The following PAK3 variants were observed in gnomAD, a reference collection of about 807,000 sequenced individuals.
PAK3 encodes p21 (RAC1) activated kinase 3.
In PAK3, 4 loss-of-function variants were observed where a neutral mutation model predicts 41.0. The observed-to-expected ratio is 0.10, with a 90% CI of 0.05 to 0.22. PAK3 has a LOEUF of 0.22. PAK3 is among the 10% of genes least tolerant of loss of function. The pLI, the probability that PAK3 is intolerant of heterozygous loss-of-function variation, is 1.00. For missense variants in PAK3, 205 were observed against 409.9 expected, an observed-to-expected ratio of 0.50 and a Z score of 4.32; for synonymous variants, 146 against 139.6, an observed-to-expected ratio of 1.05 and a Z score of -0.32.
chrX:111,008,729 A>T (rs916768490), intron 1 of PAK3, among the ~76,000 whole-genome samples: 2 of 112,191 alleles, frequency 1.8e-5, no homozygotes, highest in African/African-American at 6.5e-5. Context: ...ACCTCTGGGG[A>T]TTGCTGCAAG....
chrX:110,973,194 A>C (rs1416028027), intron 1 of PAK3, among the ~76,000 whole-genome samples: 1 of 111,504 alleles, frequency 9.0e-6, no homozygotes, highest in Non-Finnish European at 1.9e-5. Context: ...CCAACATTCA[A>C]ATTCAGGAAA....
intron 1 of PAK3, among the ~76,000 whole-genome samples, chrX:111,004,249 G>T (rs890436802): frequency 2.7e-5 from 3 of 111,757 alleles, no homozygotes; most frequent in African/African-American, 9.8e-5. Flanking sequence ...GGGGATATGC[G>T]TAGTAGGAGG....
Position 110,974,777 on chromosome X carries a change from T to C in PAK3, c.-28+30149T>C, listed in dbSNP as rs763482239. Among the ~76,000 whole-genome samples the C allele has an allele frequency of 3.6e-5, 4 of 111,979 alleles. No individual in the cohort carries two copies. In the East Asian group the frequency reaches 1.1e-3, roughly 31 times the overall value. The stretch of plus-strand genomic sequence containing the variant: ...CTTATCCACCACGATCAAGTTGGCT[T>C]CATCCCTGGGAAGCAAGGCTGGTTC... On this transcript the variant is annotated intron_variant, in intron 1 of 14. Coordinates refer to the PAK3 transcript ENST00000425146.
chrX:111,001,951 A>G (rs1048991143), intron 1 of PAK3, among the ~76,000 whole-genome samples: 2 of 111,233 alleles, frequency 1.8e-5, no homozygotes, highest in Non-Finnish European at 3.8e-5. Context: ...AAAAGATTGT[A>G]TGAGAGGATT....
chrX:111,192,390 G>A (rs189085832), intron 12 of PAK3, 116 bp from the exon 13 acceptor site: 5 of 553,921 alleles, frequency 9.0e-6, no homozygotes, highest in Middle Eastern at 4.6e-4. Context: ...TGTGGCACAG[G>A]GAAAGAGCTT....
chrX:111,030,049 T>A (rs2092322280), intron 1 of PAK3, among the ~76,000 whole-genome samples: 1 of 112,168 alleles, frequency 8.9e-6, no homozygotes, highest in African/African-American at 3.2e-5. Flanking sequence ...TCATTACATC[T>A]GCTTACATTT....
chrX:111,067,545 G>A (rs1304109804), intron 1 of PAK3, among the ~76,000 whole-genome samples: 2 of 111,525 alleles, frequency 1.8e-5, no homozygotes, highest in Non-Finnish European at 3.8e-5. Context: ...GATTTGTTGA[G>A]GAAGTTCTCT....
chrX:110,972,635 A>C (rs766547358), intron 1 of PAK3, among the ~76,000 whole-genome samples: 1 of 111,986 alleles, frequency 8.9e-6, no homozygotes, highest in South Asian at 3.8e-4. Flanking sequence ...GAAAATTCTA[A>C]AAATCAGAGT....
intron 7 of PAK3, among the ~76,000 whole-genome samples, chrX:111,151,956 C>T (rs1402028331): frequency 2.7e-5 from 3 of 111,763 alleles, no homozygotes; most frequent in Admixed American, 9.5e-5. Flanking sequence ...AGCAGGACCG[C>T]GTGAGATTTT....
chrX:111,086,543 C>A (rs1305668540), intron 1 of PAK3, among the ~76,000 whole-genome samples: 1 of 111,563 alleles, frequency 9.0e-6, no homozygotes, highest in East Asian at 2.8e-4. Context: ...AAGACAATCT[C>A]ACGATTAGTG....
intron 1 of PAK3, among the ~76,000 whole-genome samples, chrX:111,044,452 C>A (rs1314572644): frequency 8.9e-6 from 1 of 111,930 alleles, no homozygotes; most frequent in Non-Finnish European, 1.9e-5. Flanking sequence ...AAAGAGTTGG[C>A]AACTTTTGCA....
intron 4 of PAK3, among the ~76,000 whole-genome samples, chrX:111,120,608 T>C: frequency 8.9e-6 from 1 of 111,969 alleles, no homozygotes; most frequent in Middle Eastern, 4.6e-3. Flanking sequence ...TGGCGTGTTT[T>C]CCTGACTTCT....
At chrX:111,074,392 T>G (rs1457071063) in intron 1 of PAK3, among the ~76,000 whole-genome samples, 3 of 111,154 alleles carry the variant, frequency 2.7e-5, no homozygotes, top group Non-Finnish European at 5.7e-5. Flanking sequence ...TGAAAGAGTC[T>G]GAGATCTCTC....
chrX:111,075,351 G>T (rs189269076), intron 1 of PAK3, among the ~76,000 whole-genome samples: 2 of 112,597 alleles, frequency 1.8e-5, no homozygotes, highest in African/African-American at 3.2e-5. Flanking sequence ...CCAATGCCCC[G>T]TGACACCTCA....
At chrX:111,068,179 GA>G (rs1453291930) in intron 1 of PAK3, among the ~76,000 whole-genome samples, 16 of 111,413 alleles carry the variant, frequency 1.4e-4, no homozygotes, top group African/African-American at 3.3e-4. Context: ...AGTATTTAAT[GA>G]AGGTTTGACT....
At chrX:111,131,345 C>T (rs2093714387) in intron 5 of PAK3, among the ~76,000 whole-genome samples, 1 of 111,614 alleles carries the variant, frequency 9.0e-6, no homozygotes, top group African/African-American at 3.2e-5. Context: ...ATTTAATGAA[C>T]ACCTTCCTTT....
At chrX:111,009,230 C>G (rs569295496) in intron 1 of PAK3, among the ~76,000 whole-genome samples, 3 of 111,396 alleles carry the variant, frequency 2.7e-5, no homozygotes, top group African/African-American at 9.8e-5. Flanking sequence ...CTTCACATCC[C>G]CACTTTGTTT....
intron 1 of PAK3, among the ~76,000 whole-genome samples, chrX:111,041,311 C>T (rs1358227451): frequency 8.9e-6 from 1 of 112,051 alleles, no homozygotes; most frequent in African/African-American, 3.2e-5. Flanking sequence ...AAATTGCTCT[C>T]ACTTTGCCCT....
chrX:111,148,800 T>C (rs1015956402), intron 7 of PAK3, among the ~76,000 whole-genome samples: 34 of 110,906 alleles, frequency 3.1e-4, no homozygotes, highest in African/African-American at 1.1e-3. Flanking sequence ...TTCAAGTTGA[T>C]ATTTGGGTGG....
Sources: allele counts gnomAD v4.1 joint callset (sites outside exome capture counted in the v4.1 genomes callset), GRCh38; gene constraint gnomAD v4.1.1; transcripts MANE v1.5; gene names NCBI Gene and HGNC (gene_info 2026-07-23, HGNC 2026-07-21).